SRRM4: variants seen among roughly 807,000 people sequenced by gnomAD.
SRRM4 encodes the protein serine/arginine repetitive matrix 4, also known as serine/arginine repetitive matrix protein 4.
SRRM4 carries 33 observed loss-of-function variants against 68.9 expected under a neutral mutation model. The ratio of observed to expected loss-of-function variants is 0.48; its 90% CI spans 0.36 to 0.64. The LOEUF (loss-of-function observed/expected upper bound fraction) is 0.64. Among genes scored for constraint, SRRM4 ranks in the 30% least tolerant of loss-of-function variants. The probability of loss-of-function intolerance (pLI) is 0.00; values close to 1 mark genes in which losing one functional copy is unlikely to be tolerated. For missense variants in SRRM4, 817 were observed against 827.1 expected (o/e 0.99, Z 0.15); for synonymous variants, 318 against 318.8 (o/e 1.00, Z 0.03).
intron 1 of SRRM4, among the ~76,000 whole-genome samples, chr12:119,012,190 T>C (rs964495194): frequency 6.6e-6 from 1 of 152,212 alleles, no homozygotes; most frequent in Non-Finnish European, 1.5e-5. Context: ...TGCCCTGAAA[T>C]GAAAGGGCAC....
At chr12:119,153,490 C>G (rs1565920623) in intron 10 of SRRM4, 49 bp from the exon 11 acceptor site, 1 of 1,300,456 alleles carries the variant, frequency 7.7e-7, no homozygotes, top group South Asian at 1.3e-5. Context: ...CTTGGATAAC[C>G]CAGGCGGACA....
chr12:119,016,463 AAAAAAG>A (rs201910015), intron 1 of SRRM4, among the ~76,000 whole-genome samples: 8,154 of 151,674 alleles, frequency 0.054, 288 homozygotes, highest in Non-Finnish European at 0.08. Flanking sequence ...TTAAAAAAAA[AAAAAAG>A]AAAAAGAAAA....
At chr12:118,987,906 T>C (rs1953292591) in intron 1 of SRRM4, among the ~76,000 whole-genome samples, 1 of 152,218 alleles carries the variant, frequency 6.6e-6, no homozygotes, top group African/African-American at 2.4e-5. Flanking sequence ...TAAAATTTGT[T>C]TTCACATAAT....
intron 2 of SRRM4, among the ~76,000 whole-genome samples, chr12:119,110,186 A>G (rs1028657701): frequency 6.6e-6 from 1 of 152,176 alleles, no homozygotes. Context: ...TTCCTCTGGA[A>G]TCTTCGTCTC....
At chr12:119,112,405 G>A (rs1053126357) in intron 2 of SRRM4, among the ~76,000 whole-genome samples, 16 of 152,172 alleles carry the variant, frequency 1.1e-4, no homozygotes, top group African/African-American at 3.9e-4. Flanking sequence ...CAAAGACCTA[G>A]AACCAGAAAT....
At chr12:119,020,939 A>G (rs934166082) in intron 1 of SRRM4, among the ~76,000 whole-genome samples, 1 of 152,158 alleles carries the variant, frequency 6.6e-6, no homozygotes, top group Non-Finnish European at 1.5e-5. Context: ...TCGCCCGTAG[A>G]GGGCGCTGTA....
intron 1 of SRRM4, among the ~76,000 whole-genome samples, chr12:119,058,237 C>T (rs1301381076): frequency 1.3e-5 from 2 of 152,110 alleles, no homozygotes; most frequent in Non-Finnish European, 2.9e-5. Flanking sequence ...CAAGTAATAA[C>T]ATTTAACACT....
chr12:119,004,975 A>G (rs1953407273), intron 1 of SRRM4, among the ~76,000 whole-genome samples: 2 of 150,446 alleles, frequency 1.3e-5, no homozygotes, highest in African/African-American at 4.8e-5. Context: ...TCACCCAGAG[A>G]AGATTAAAAC....
intron 1 of SRRM4, among the ~76,000 whole-genome samples, chr12:118,996,000 A>G (rs1953347462): frequency 6.6e-6 from 1 of 151,968 alleles, no homozygotes; most frequent in African/African-American, 2.4e-5. Flanking sequence ...TTCTTTTCCC[A>G]TTGATCTACC....
intron 1 of SRRM4, among the ~76,000 whole-genome samples, chr12:119,086,392 C>T (rs1234863260): frequency 6.6e-6 from 1 of 152,164 alleles, no homozygotes; most frequent in African/African-American, 2.4e-5. Context: ...CAGGTCCCAC[C>T]ACCAGGGGCT....
chr12:118,991,146 C>T (rs1056466301), intron 1 of SRRM4, among the ~76,000 whole-genome samples: 1 of 152,180 alleles, frequency 6.6e-6, no homozygotes, highest in African/African-American at 2.4e-5. Context: ...CCTGCCATGG[C>T]CTCTAGCCTC....
At chr12:119,106,345 A>G (rs28799973) in intron 2 of SRRM4, among the ~76,000 whole-genome samples, 11,703 of 152,140 alleles carry the variant, frequency 0.077, 495 homozygotes, top group Admixed American at 0.1. Flanking sequence ...GTTCTGTGGA[A>G]AAAGTCATTG....
chr12:118,983,253 C>T (rs78310770), intron 1 of SRRM4, among the ~76,000 whole-genome samples: 5,013 of 152,210 alleles, frequency 0.033, 159 homozygotes, highest in East Asian at 0.14. Flanking sequence ...GAGGATCATA[C>T]AGGTCTTTAG....
At chr12:119,104,866 T>A (rs150884462) in intron 2 of SRRM4, among the ~76,000 whole-genome samples, 11,624 of 151,728 alleles carry the variant, frequency 0.077, 496 homozygotes, top group Admixed American at 0.1. Flanking sequence ...CATGTGCACA[T>A]CATGCAGGTT....
At chr12:119,014,457 G>C (rs1953469154) in intron 1 of SRRM4, among the ~76,000 whole-genome samples, 1 of 152,124 alleles carries the variant, frequency 6.6e-6, no homozygotes, top group Non-Finnish European at 1.5e-5. Context: ...GAACAGGTAT[G>C]ATGCTCTAAT....
chr12:119,120,179 C>T (rs1275712776), intron 4 of SRRM4, 71 bp from the exon 5 acceptor site: 63 of 1,075,314 alleles, frequency 5.9e-5, no homozygotes, highest in Non-Finnish European at 7.9e-5. Context: ...ATCTCTCTCT[C>T]TCTCCCTCTC....
In SRRM4 at chr12:119,130,664, TC is replaced by T; in HGVS notation, c.615-9del. 6.2e-7 allele frequency: 1 copy of T among 1,605,004 alleles called. No individual in the cohort carries two copies. On this transcript the variant is annotated splice_polypyrimidine_tract_variant and intron_variant, in intron 7 of 12. Transcript: ENST00000267260. ...CCTTCAAAAGACCCTCAGGTCTCTCTCCCCCATCCCCAGGCACCGCGGCCGG... is the reference window on the plus strand; with the variant it reads ...CCTTCAAAAGACCCTCAGGTCTCTCTCCCCATCCCCAGGCACCGCGGCCGG...
intron 1 of SRRM4, among the ~76,000 whole-genome samples, chr12:119,053,441 T>C (rs534275900): frequency 6.6e-6 from 1 of 152,344 alleles, no homozygotes; most frequent in South Asian, 2.1e-4. Flanking sequence ...AGAAACATTC[T>C]ATGGGAGACG....
chr12:119,040,220 T>G lies in SRRM4; in HGVS notation c.131+58207T>G, dbSNP rs186141930. ...TTATTTTATTTTATTTTTCCATAAT[T>G]TATTGGGGTACAGGTGGTATTTGGT... On this transcript the variant is annotated intron_variant, in intron 1 of 12. Coordinates refer to ENST00000267260, the MANE Select transcript of SRRM4 (RefSeq NM_194286.4). Among the ~76,000 whole-genome samples, 56 of 151,476 alleles carry G rather than the reference T, an allele frequency of 3.7e-4. 2 individuals carry two copies. In the South Asian group the frequency reaches 4.0e-3, roughly 11 times the overall value.
Sources: allele counts gnomAD v4.1 joint callset (sites outside exome capture counted in the v4.1 genomes callset), GRCh38; gene constraint gnomAD v4.1.1; transcripts MANE v1.5; gene names NCBI Gene and HGNC (gene_info 2026-07-23, HGNC 2026-07-21).